The following UBE2D2 variants were observed in gnomAD, a reference collection of about 807,000 sequenced individuals.
The protein encoded by UBE2D2 is ubiquitin conjugating enzyme E2 D2.
A neutral mutation model predicts 24.2 loss-of-function variants in UBE2D2; 2 were observed. The observed-to-expected ratio is 0.08, with a 90% CI of 0.03 to 0.26. The LOEUF (loss-of-function observed/expected upper bound fraction) is 0.26. Among genes scored for constraint, UBE2D2 ranks in the 10% least tolerant of loss-of-function variants. The pLI is 1.00. For missense variants in UBE2D2, 44 were observed against 177.6 expected, an observed-to-expected ratio of 0.25 and a Z score of 4.28; for synonymous variants, 58 against 56.5, an observed-to-expected ratio of 1.03 and a Z score of -0.12.
intron 1 of UBE2D2, among the ~76,000 whole-genome samples, chr5:139,594,550 A>G (rs1018790851): frequency 1.3e-5 from 2 of 151,964 alleles, no homozygotes; most frequent in African/African-American, 4.8e-5. Flanking sequence ...GGTAGCTGGA[A>G]TTAGAGGCAC....
At chr5:139,554,838 C>T (rs1156924976) in intron 1 of UBE2D2, 1 of 151,986 alleles carries the variant, frequency 6.6e-6, no homozygotes, top group Non-Finnish European at 1.5e-5. Flanking sequence ...CCATTTATTT[C>T]TGTCAATGTT....
At chr5:139,591,152 G>T (rs1157118494) in intron 1 of UBE2D2, among the ~76,000 whole-genome samples, 1 of 138,472 alleles carries the variant, frequency 7.2e-6, no homozygotes, top group African/African-American at 2.7e-5. Flanking sequence ...ACGGAGTTTC[G>T]CTGTTGTTGC....
At chr5:139,534,321 C>T (rs546739567) in intron 1 of UBE2D2, among the ~76,000 whole-genome samples, 1 of 151,698 alleles carries the variant, frequency 6.6e-6, no homozygotes, top group Non-Finnish European at 1.5e-5. Context: ...AATCCCAGCA[C>T]TTTGGAAGCC....
chr5:139,581,470 A>G (rs1219683003), intron 1 of UBE2D2, among the ~76,000 whole-genome samples: 1 of 151,954 alleles, frequency 6.6e-6, no homozygotes, highest in African/African-American at 2.4e-5. Flanking sequence ...GTAGAGGTTG[A>G]GCATTCCTTA....
At chr5:139,599,681 C>T (rs1370131727) in intron 1 of UBE2D2, 2 of 151,272 alleles carry the variant, frequency 1.3e-5, no homozygotes, top group Admixed American at 6.6e-5. Flanking sequence ...AGCTTGCAGT[C>T]AGCTGAGATT....
At chr5:139,550,279 G>C (rs1025741581) in intron 1 of UBE2D2, among the ~76,000 whole-genome samples, 1 of 151,786 alleles carries the variant, frequency 6.6e-6, no homozygotes, top group African/African-American at 2.4e-5. Flanking sequence ...TCTGTGTCTA[G>C]TTAATCTAGT....
At chr5:139,587,991 G>T in intron 1 of UBE2D2, among the ~76,000 whole-genome samples, 1 of 152,100 alleles carries the variant, frequency 6.6e-6, no homozygotes, top group East Asian at 1.9e-4. Flanking sequence ...CTAGGCTTAG[G>T]GATTCTTGGT....
At chr5:139,603,163 G>A (rs1395580057) in intron 2 of UBE2D2, among the ~76,000 whole-genome samples, 1 of 152,114 alleles carries the variant, frequency 6.6e-6, no homozygotes, top group African/African-American at 2.4e-5. Flanking sequence ...GTGCTTTTAG[G>A]TAAATTCCTC....
At chr5:139,614,519 A>C (rs572683837) in intron 2 of UBE2D2, 67 bp from the exon 3 acceptor site, 1 of 1,555,154 alleles carries the variant, frequency 6.4e-7, no homozygotes, top group South Asian at 1.1e-5. Context: ...GGGGAATGAT[A>C]TGTTACTATG....
intron 1 of UBE2D2, among the ~76,000 whole-genome samples, chr5:139,536,425 A>G (rs28817902): frequency 0.13 from 19,211 of 149,524 alleles, 1,340 homozygotes; most frequent in African/African-American, 0.19. Context: ...GTGCAGTGGC[A>G]TAATCTTGGC....
At chr5:139,592,074 C>T (rs546703178) in intron 1 of UBE2D2, among the ~76,000 whole-genome samples, 1 of 151,994 alleles carries the variant, frequency 6.6e-6, no homozygotes, top group African/African-American at 2.4e-5. Flanking sequence ...TGGTGGCGGG[C>T]GCCTGTAATC....
At chr5:139,553,447 C>T (rs1199488720) in intron 1 of UBE2D2, among the ~76,000 whole-genome samples, 3 of 152,140 alleles carry the variant, frequency 2.0e-5, no homozygotes, top group Non-Finnish European at 4.4e-5. Context: ...TAATCTCCAG[C>T]TATATCACAG....
At chr5:139,582,459 C>A (rs1202556809) in intron 1 of UBE2D2, among the ~76,000 whole-genome samples, 1 of 151,922 alleles carries the variant, frequency 6.6e-6, no homozygotes, top group Non-Finnish European at 1.5e-5. Flanking sequence ...GATCCTCCCA[C>A]TTCGGCCTCC....
At chr5:139,612,488 C>A (rs1007363533) in intron 2 of UBE2D2, 1 of 152,236 alleles carries the variant, frequency 6.6e-6, no homozygotes, top group Admixed American at 6.5e-5. Flanking sequence ...TGCCTGAGAA[C>A]ACTTAAAAGC....
At chr5:139,558,253 T>G (rs549094649), upstream of UBE2D2, among the ~76,000 whole-genome samples, 49 of 152,158 alleles carry the variant, frequency 3.2e-4, no homozygotes, top group Admixed American at 2.0e-3. Flanking sequence ...AAGGTAGAAA[T>G]ATTTGAAACA....
chr5:139,605,154 C>T (rs1754171306), intron 2 of UBE2D2, among the ~76,000 whole-genome samples: 1 of 152,070 alleles, frequency 6.6e-6, no homozygotes, highest in Non-Finnish European at 1.5e-5. Context: ...TATTTTAAAA[C>T]ATCCAGATTT....
At chr5:139,624,548 G>A (rs1317837379) in intron 6 of UBE2D2, among the ~76,000 whole-genome samples, 4 of 152,260 alleles carry the variant, frequency 2.6e-5, no homozygotes, top group Non-Finnish European at 5.9e-5. Flanking sequence ...AGCACTTTGG[G>A]AGGCTGAGGT....
chr5:139,588,385 C>T (rs967597927), intron 1 of UBE2D2, among the ~76,000 whole-genome samples: 9 of 152,042 alleles, frequency 5.9e-5, no homozygotes, highest in Non-Finnish European at 8.8e-5. Context: ...AAGCTATTCT[C>T]CTGCCTCAGC....
intron 1 of UBE2D2, among the ~76,000 whole-genome samples, chr5:139,584,762 A>T (rs1326860555): frequency 6.6e-6 from 1 of 150,650 alleles, no homozygotes; most frequent in Non-Finnish European, 1.5e-5. Context: ...CGAACGCCTG[A>T]CCTCAGGTGA....
Sources: gnomAD v4.1 joint callset for allele counts (sites outside exome capture counted in the v4.1 genomes callset) on GRCh38, gnomAD v4.1.1 for gene constraint, MANE v1.5 for transcripts, NCBI Gene and HGNC (gene_info 2026-07-23, HGNC 2026-07-21) for gene names.